Variants in ARHGAP22 observed in about 807,000 individuals in gnomAD.
ARHGAP22 encodes Rho GTPase activating protein 22.
In ARHGAP22, 48 loss-of-function variants were observed where a neutral mutation model predicts 59.1. The observed-to-expected ratio is 0.81, with a 90% CI of 0.64 to 1.03. The LOEUF is 1.03. Ranked by LOEUF, ARHGAP22 falls within the 50% of genes least tolerant of loss-of-function variation. The probability of loss-of-function intolerance (pLI) is 0.00; values close to 1 mark genes in which losing one functional copy is unlikely to be tolerated. For synonymous variants in ARHGAP22, 445 were observed against 416.4 expected (o/e 1.07, Z -0.84); for missense variants, 1,015 against 958.7 (o/e 1.06, Z -0.78).
intron 3 of ARHGAP22, chr10:48,546,674 G>T: frequency 1.2e-5 from 2 of 167,802 alleles, no homozygotes; most frequent in South Asian, 1.5e-4. Context: ...TGAATGCTTT[G>T]AACTCTGAGG....
intron 3 of ARHGAP22, among the ~76,000 whole-genome samples, chr10:48,534,385 T>C (rs2055154196): frequency 6.6e-6 from 1 of 152,138 alleles, no homozygotes; most frequent in Non-Finnish European, 1.5e-5. Flanking sequence ...CCAACTTTCT[T>C]TCCTCCCCCA....
rs1343649211 is a variant in ARHGAP22 at position 48,479,777 on chromosome 10, G to C, written c.323-13C>G. ...TCCCCGGCACCACCTGCAAGACAGG[G>C]AGACACAGGCTTACGCAGGGTCCCT... On this transcript the variant is annotated splice_polypyrimidine_tract_variant and intron_variant, in intron 3 of 9. Transcript: ENST00000249601. 5.1e-6 allele frequency: 8 copies of C among 1,570,498 alleles called. No individual in the cohort carries two copies. Among genetic ancestry groups the C allele is most frequent in the Non-Finnish European group, 6.1e-6 (7 of 1,156,504 alleles).
At chr10:48,559,566 T>C (rs1355096415) in intron 2 of ARHGAP22, among the ~76,000 whole-genome samples, 1 of 152,246 alleles carries the variant, frequency 6.6e-6, no homozygotes, top group Non-Finnish European at 1.5e-5. Flanking sequence ...TCATCAAAAG[T>C]GTATGAGAAT....
chr10:48,601,094 G>C (rs913583283), intron 1 of ARHGAP22, among the ~76,000 whole-genome samples: 1 of 152,178 alleles, frequency 6.6e-6, no homozygotes, highest in African/African-American at 2.4e-5. Context: ...TTCCTTAGCT[G>C]CTTCACTCTC....
chr10:48,511,216 G>A (rs1378168439), intron 3 of ARHGAP22, among the ~76,000 whole-genome samples: 1 of 152,172 alleles, frequency 6.6e-6, no homozygotes, highest in African/African-American at 2.4e-5. Context: ...ACTGGTGGAC[G>A]CACATCCTGC....
At position 48,479,669 on chromosome 10, in the gene ARHGAP22, TG is replaced by T; in HGVS notation, c.417del (p.Ile140SerfsTer18). The T allele has an allele frequency of 6.2e-7, 1 of 1,613,312 alleles. No individual in the cohort carries two copies. Among genetic ancestry groups the T allele is most frequent in the Non-Finnish European group, 8.5e-7 (1 of 1,179,820 alleles). ...AGCGGGGCCCAGATGACTCGGCGGA[TG>T]GCCTGCACCCAGTCCTCCATGTCAC... Reference protein sequence around the residue: ...SQRDMEDWVQAIRRVIWAPLG... With the variant: ...SQRDMEDWVQXIRRVIWAPLG... On this transcript the variant is annotated frameshift_variant, in exon 4 of 10. Transcript: ENST00000249601. LOFTEE classifies it high-confidence loss of function.
At chr10:48,649,401 C>T (rs1218693010) in intron 1 of ARHGAP22, among the ~76,000 whole-genome samples, 1 of 152,178 alleles carries the variant, frequency 6.6e-6, no homozygotes, top group African/African-American at 2.4e-5. Flanking sequence ...CAGGCTGCTC[C>T]CAGCCTTGGT....
Position 48,583,080 on chromosome 10 carries a change from C to A in ARHGAP22, c.107G>T (p.Gly36Val), listed in dbSNP as rs1353831531. The A allele has an allele frequency of 1.2e-6, 2 of 1,614,150 alleles. No individual in the cohort carries two copies. Among genetic ancestry groups the A allele is most frequent in the Non-Finnish European group, 1.7e-6 (2 of 1,180,064 alleles). The change falls in exon 2 of 10, where the codon GGC becomes GTC. Residue 36 changes from glycine to valine, a missense_variant. By Grantham distance (109) the Gly-to-Val change is moderately radical (BLOSUM62 -3). Coordinates refer to ENST00000249601, the MANE Select transcript of ARHGAP22 (RefSeq NM_021226.4). ...PGRMPCPHRL[G>V]PVLKAGWLKK... ...CAGCCAGCCCGCCTTCAGCACGGGGCCCAGCCTGTGAGGGCACGGCATCCG... is the reference window on the plus strand; with the variant it reads ...CAGCCAGCCCGCCTTCAGCACGGGGACCAGCCTGTGAGGGCACGGCATCCG...
chr10:48,567,828 A>C (rs2058146807), intron 2 of ARHGAP22, among the ~76,000 whole-genome samples: 2 of 152,164 alleles, frequency 1.3e-5, no homozygotes. Context: ...CTACAGTGAG[A>C]GGTAAACTTC....
intron 4 of ARHGAP22, among the ~76,000 whole-genome samples, chr10:48,467,073 G>A (rs2047789545): frequency 6.6e-6 from 1 of 152,218 alleles, no homozygotes; most frequent in Non-Finnish European, 1.5e-5. Flanking sequence ...CACAGTGGGG[G>A]TCCAGGCTCC....
chr10:48,607,119 T>C (rs2060709560), upstream of ARHGAP22, among the ~76,000 whole-genome samples: 3 of 152,088 alleles, frequency 2.0e-5, no homozygotes, highest in Non-Finnish European at 2.9e-5. Flanking sequence ...AGGAAGCCAT[T>C]TGTGAGTAAT....
intron 5 of ARHGAP22, among the ~76,000 whole-genome samples, chr10:48,458,487 G>A (rs1308648278): frequency 1.3e-5 from 2 of 152,118 alleles, no homozygotes; most frequent in Non-Finnish European, 2.9e-5. Context: ...TGTGGGTGAG[G>A]CGCAGACGGC....
chr10:48,446,193 A>G lies in ARHGAP22; in HGVS notation c.*198T>C, dbSNP rs904576878. The G allele has an allele frequency of 3.3e-6, 2 of 610,560 alleles. No homozygotes were observed. Among genetic ancestry groups the G allele is most frequent in the South Asian group, 2.1e-5 (1 of 48,506 alleles). The allele number at this position is 610,560 out of a possible 1,614,324, so 37.8% of individuals were successfully genotyped here. ...CCTTCTGACCCTCACCAGGAACTGCATGGTTGGAGCAGCATCTGATCCCAC... is the reference window on the plus strand; with the variant it reads ...CCTTCTGACCCTCACCAGGAACTGCGTGGTTGGAGCAGCATCTGATCCCAC... On this transcript the variant is annotated 3_prime_UTR_variant, in exon 10 of 10. Transcript: ENST00000249601.
intron 4 of ARHGAP22, among the ~76,000 whole-genome samples, chr10:48,463,918 A>C (rs2047398473): frequency 6.6e-6 from 1 of 152,200 alleles, no homozygotes; most frequent in Non-Finnish European, 1.5e-5. Context: ...AGCTGACTGA[A>C]GGCCACAGTC....
At chr10:48,541,458 A>G (rs1324034121) in intron 3 of ARHGAP22, among the ~76,000 whole-genome samples, 3 of 152,254 alleles carry the variant, frequency 2.0e-5, no homozygotes, top group African/African-American at 7.2e-5. Context: ...GTGTCACAGA[A>G]CCGTGGTGCC....
intron 3 of ARHGAP22, among the ~76,000 whole-genome samples, chr10:48,539,973 G>T (rs982048633): frequency 6.6e-6 from 1 of 152,036 alleles, no homozygotes; most frequent in Non-Finnish European, 1.5e-5. Context: ...CTTTTGTCAC[G>T]GCCATTTTTC....
chr10:48,443,516 A>T (rs1786813583), downstream of ARHGAP22, among the ~76,000 whole-genome samples: 1 of 151,822 alleles, frequency 6.6e-6, no homozygotes, highest in Admixed American at 6.6e-5. Context: ...GTAGAAAAGG[A>T]TGGCAATCCT....
intron 3 of ARHGAP22, among the ~76,000 whole-genome samples, chr10:48,526,347 CCTCA>C (rs201184929): frequency 0.042 from 6,370 of 152,268 alleles, 171 homozygotes; most frequent in Non-Finnish European, 0.065. Context: ...TCCTTTAACT[CCTCA>C]GAAAGACCAG....
At chr10:48,511,918 T>C (rs1032968533) in intron 3 of ARHGAP22, among the ~76,000 whole-genome samples, 8 of 152,172 alleles carry the variant, frequency 5.3e-5, no homozygotes, top group African/African-American at 1.9e-4. Context: ...AGAACAGCAG[T>C]CCCTGGCCAC....
Sources: gnomAD v4.1 joint callset for allele counts (sites outside exome capture counted in the v4.1 genomes callset) on GRCh38, gnomAD v4.1.1 for gene constraint, MANE v1.5 for transcripts, NCBI Gene and HGNC (gene_info 2026-07-23, HGNC 2026-07-21) for gene names.